Variants in CDH9 observed in about 807,000 individuals in gnomAD.
CDH9 encodes the protein cadherin-9.
A neutral mutation model predicts 70.9 loss-of-function variants in CDH9; 28 were observed. The observed-to-expected ratio is 0.40, with a 90% CI of 0.29 to 0.54. The LOEUF (loss-of-function observed/expected upper bound fraction) is 0.54, where lower values mean the gene tolerates loss of function less well. CDH9 is among the 20% of genes least tolerant of loss of function. CDH9 has a pLI of 0.59. For synonymous variants in CDH9, 409 were observed against 343.1 expected (o/e 1.19, Z -2.12); for missense variants, 874 against 984.4 (o/e 0.89, Z 1.50).
chr5:26,937,213 A>T (rs1741574292), intron 2 of CDH9, among the ~76,000 whole-genome samples: 1 of 152,180 alleles, frequency 6.6e-6, no homozygotes, highest in Admixed American at 6.6e-5. Context: ...ATGGCTAAAG[A>T]TCTGAACAGA....
At chr5:26,956,791 C>T (rs911268891) in intron 2 of CDH9, among the ~76,000 whole-genome samples, 4 of 152,062 alleles carry the variant, frequency 2.6e-5, no homozygotes, top group African/African-American at 7.2e-5. Flanking sequence ...TAGAAATTAC[C>T]CAGTTTCAGT....
At chr5:26,897,331 C>T (rs1234463339) in intron 7 of CDH9, among the ~76,000 whole-genome samples, 1 of 152,122 alleles carries the variant, frequency 6.6e-6, no homozygotes, top group Non-Finnish European at 1.5e-5. Flanking sequence ...AGGCCAGCAT[C>T]TTTCTGATAA....
chr5:26,993,843 T>G (rs921869445), intron 1 of CDH9, among the ~76,000 whole-genome samples: 3 of 152,156 alleles, frequency 2.0e-5, no homozygotes, highest in African/African-American at 7.2e-5. Flanking sequence ...TCACAGGGCT[T>G]CAGGGTAGGG....
chr5:26,920,444 T>C (rs1741224556), intron 2 of CDH9, among the ~76,000 whole-genome samples: 1 of 152,012 alleles, frequency 6.6e-6, no homozygotes, highest in Non-Finnish European at 1.5e-5. Flanking sequence ...GGAAACTCAC[T>C]GCCCTGAAAG....
intron 2 of CDH9, among the ~76,000 whole-genome samples, chr5:26,941,906 G>A (rs1471535126): frequency 6.6e-6 from 1 of 152,184 alleles, no homozygotes; most frequent in East Asian, 1.9e-4. Flanking sequence ...TTGTTGCCAT[G>A]GGAACTCTCT....
At chr5:26,939,829 G>A (rs1741627996) in intron 2 of CDH9, among the ~76,000 whole-genome samples, 2 of 152,008 alleles carry the variant, frequency 1.3e-5, no homozygotes, top group South Asian at 4.1e-4. Context: ...TCATTAAGTA[G>A]AAGAAATAAA....
At position 26,976,063 on chromosome 5, in the gene CDH9, A is replaced by G. The variant is rs147440911; in HGVS notation, c.228+12043T>C. Among the ~76,000 whole-genome samples the G allele has an allele frequency of 3.3e-5, 5 of 152,314 alleles. No homozygotes were observed. In the East Asian group the frequency reaches 9.7e-4, roughly 29 times the overall value. On this transcript the variant is annotated intron_variant, in intron 2 of 11. Coordinates refer to ENST00000231021, the MANE Select transcript of CDH9 (RefSeq NM_016279.4). ...ACAGAAATCCAAGTCACTTAGTAGAAAATGTTGGCAAGAAATCTAAGGAAA... is the reference window on the plus strand; with the variant it reads ...ACAGAAATCCAAGTCACTTAGTAGAGAATGTTGGCAAGAAATCTAAGGAAA...
chr5:26,881,276 C>A lies in CDH9; in HGVS notation c.2230G>T (p.Asp744Tyr). Residue 744 changes from aspartate to tyrosine, a missense_variant, in exon 12 of 12, where the codon GAT (aspartate) becomes TAT (tyrosine). Transcript: ENST00000231021. ...GAACTGAGCGAATCTGCTATGGAATCATTCCCTTCATAGGCATACGTTGCC... is the reference window on the plus strand; with the variant it reads ...GAACTGAGCGAATCTGCTATGGAATAATTCCCTTCATAGGCATACGTTGCC... ...SLATYAYEGNDSIADSLSSLE... is the reference protein window; with the variant it reads ...SLATYAYEGNYSIADSLSSLE... 6.2e-7 allele frequency: 1 copy of A among 1,613,448 alleles called. No individual in the cohort carries two copies. The highest frequency in any genetic ancestry group is 8.5e-7 in the Non-Finnish European group (1 of 1,179,526).
chr5:26,894,718 C>G (rs1740716672), intron 7 of CDH9, among the ~76,000 whole-genome samples: 2 of 151,878 alleles, frequency 1.3e-5, no homozygotes, highest in South Asian at 4.1e-4. Context: ...CCTGATAAAC[C>G]CTTAACACAG....
intron 2 of CDH9, among the ~76,000 whole-genome samples, chr5:26,916,546 A>G (rs1741152901): frequency 6.6e-6 from 1 of 152,004 alleles, no homozygotes; most frequent in South Asian, 2.1e-4. Context: ...ATAAGTGATA[A>G]GCAACAATAA....
rs6881853 is a variant in CDH9 at position 26,893,476 on chromosome 5, T to C, written c.1254-2912A>G. Among the ~76,000 whole-genome samples the C allele has an allele frequency of 4.1e-3, 619 of 152,238 alleles. 5 individuals are homozygous for C. Among genetic ancestry groups the C allele is most frequent in the African/African-American group, 0.014 (588 of 41,534 alleles). On this transcript the variant is annotated intron_variant, in intron 7 of 11. Transcript: ENST00000231021. ...CAGAAGTACATGCAAATGATAGTAT[T>C]CCCTCAGTTTTTCAATAATCGTTAT...
intron 1 of CDH9, among the ~76,000 whole-genome samples, chr5:27,014,879 G>C (rs1743019852): frequency 6.6e-6 from 1 of 151,726 alleles, no homozygotes; most frequent in Admixed American, 6.6e-5. Flanking sequence ...AATCCAAAGT[G>C]TTTTAAATAA....
At chr5:26,928,758 A>G (rs1428194096) in intron 2 of CDH9, among the ~76,000 whole-genome samples, 7 of 152,126 alleles carry the variant, frequency 4.6e-5, no homozygotes, top group African/African-American at 1.2e-4. Context: ...AGCCTTTTCA[A>G]TAAATAACGT....
chr5:26,900,312 A>G (rs558773356), intron 7 of CDH9, among the ~76,000 whole-genome samples: 1 of 152,224 alleles, frequency 6.6e-6, no homozygotes, highest in African/African-American at 2.4e-5. Flanking sequence ...ATTAAAGAGC[A>G]TATTATATAT....
At chr5:27,025,785 T>C (rs1473198510) in intron 1 of CDH9, among the ~76,000 whole-genome samples, 1 of 152,034 alleles carries the variant, frequency 6.6e-6, no homozygotes, top group Non-Finnish European at 1.5e-5. Context: ...CCATGAAGAA[T>C]AGAACCTCCC....
chr5:26,934,117 G>A (rs1741518040), intron 2 of CDH9, among the ~76,000 whole-genome samples: 1 of 152,238 alleles, frequency 6.6e-6, no homozygotes, highest in South Asian at 2.1e-4. Context: ...AAGAAAGAGA[G>A]AGGGGAGAAA....
chr5:26,918,577 T>C (rs905840716), intron 2 of CDH9, among the ~76,000 whole-genome samples: 1 of 152,210 alleles, frequency 6.6e-6, no homozygotes, highest in African/African-American at 2.4e-5. Flanking sequence ...GTTGAATGGA[T>C]AGACTTGAAT....
intron 2 of CDH9, among the ~76,000 whole-genome samples, chr5:26,944,659 T>C (rs1741717595): frequency 1.3e-5 from 2 of 152,078 alleles, no homozygotes; most frequent in Non-Finnish European, 2.9e-5. Context: ...ACAAAATAAA[T>C]AGATAAATAA....
At chr5:26,927,852 C>G (rs1477143614) in intron 2 of CDH9, among the ~76,000 whole-genome samples, 1 of 151,958 alleles carries the variant, frequency 6.6e-6, no homozygotes. Flanking sequence ...ATGACACTGT[C>G]TGAAAACATC....
Sources: gnomAD v4.1 joint callset for allele counts (sites outside exome capture counted in the v4.1 genomes callset) on GRCh38, gnomAD v4.1.1 for gene constraint, MANE v1.5 for transcripts, NCBI Gene and HGNC (gene_info 2026-07-23, HGNC 2026-07-21) for gene names.